The following USP10 variants were observed in gnomAD, a reference collection of about 807,000 sequenced individuals.
USP10 encodes the protein ubiquitin carboxyl-terminal hydrolase 10.
A neutral mutation model predicts 84.5 loss-of-function variants in USP10; 22 were observed. The observed-to-expected ratio is 0.26, with a 90% CI of 0.19 to 0.37. The LOEUF (loss-of-function observed/expected upper bound fraction) is 0.37, where lower values mean the gene tolerates loss of function less well. Among genes scored for constraint, USP10 ranks in the 10% least tolerant of loss-of-function variants. The probability of loss-of-function intolerance (pLI) is 1.00; values close to 1 mark genes in which losing one functional copy is unlikely to be tolerated. For synonymous variants in USP10, 454 were observed against 387.6 expected (o/e 1.17, Z -2.01); for missense variants, 1,019 against 998.9 (o/e 1.02, Z -0.27).
intron 1 of USP10, among the ~76,000 whole-genome samples, chr16:84,714,827 T>G (rs1254076019): frequency 6.6e-6 from 1 of 151,846 alleles, no homozygotes; most frequent in Non-Finnish European, 1.5e-5. Flanking sequence ...AGTGGATATT[T>G]AAAACATGAA....
intron 1 of USP10, among the ~76,000 whole-genome samples, chr16:84,718,573 T>G (rs541460001): frequency 2.0e-5 from 3 of 151,976 alleles, no homozygotes; most frequent in Non-Finnish European, 4.4e-5. Context: ...CTGGCCAACA[T>G]GGTAAAACCC....
At chr16:84,723,917 C>G (rs1461615940) in intron 1 of USP10, among the ~76,000 whole-genome samples, 2 of 152,214 alleles carry the variant, frequency 1.3e-5, no homozygotes, top group Non-Finnish European at 2.9e-5. Flanking sequence ...AAAGATAGAA[C>G]TGCTTCTGTT....
intron 4 of USP10, among the ~76,000 whole-genome samples, chr16:84,753,551 TC>T (rs919453494): frequency 4.7e-4 from 71 of 152,292 alleles, no homozygotes; most frequent in African/African-American, 1.7e-3. Context: ...CCTTACCTGT[TC>T]CAGGTGCGGA....
chr16:84,745,009 G>T lies in USP10; in HGVS notation c.528G>T (p.Leu176=). 1.9e-6 allele frequency: 3 copies of T among 1,613,800 alleles called. No individual in the cohort carries two copies. The change falls in exon 4 of 14, where the codon CTG becomes CTT. Residue 176 remains leucine (L), a synonymous_variant. Coordinates refer to ENST00000219473, the MANE Select transcript of USP10 (RefSeq NM_005153.3). The part of the protein sequence containing the change: ...GGDDSISTEA[L]VNGHANSAVP... ...ATGATAGTATCTCCACAGAAGCCCT[G>T]GTCAATGGCCATGCCAATTCAGCAG...
At chr16:84,764,560 G>A (rs1567644512) in intron 10 of USP10, among the ~76,000 whole-genome samples, 1 of 152,202 alleles carries the variant, frequency 6.6e-6, no homozygotes, top group Non-Finnish European at 1.5e-5. Flanking sequence ...GCCATACGCG[G>A]TGGTTCATGC....
At chr16:84,729,444 G>A (rs1267439451) in intron 1 of USP10, among the ~76,000 whole-genome samples, 2 of 152,126 alleles carry the variant, frequency 1.3e-5, no homozygotes, top group African/African-American at 2.4e-5. Flanking sequence ...TGGTTATTGG[G>A]TTGTATCAGA....
Position 84,700,067 on chromosome 16 carries a change from G to T in USP10, c.-24G>T. 7.3e-7 allele frequency: 1 copy of T among 1,371,868 alleles called. No individual in the cohort carries two copies. The highest frequency in any genetic ancestry group is 1.4e-5 in the South Asian group (1 of 73,958). 85.0% of individuals were successfully genotyped at this position (1,371,868 alleles called of 1,614,324 possible). A position where few individuals can be genotyped will look rare whatever the true frequency, so the allele number is the denominator to read the frequency against. ...GCAGCGTGAGCAGCCGGAGGATCGC[G>T]GAGTCCCAATGAAACGGGCAGCCAT... is the stretch of plus-strand genomic sequence containing the variant. On this transcript the variant is annotated 5_prime_UTR_variant, in exon 1 of 14. Transcript: ENST00000219473.
chr16:84,758,204 G>C (rs1290616181), intron 4 of USP10, among the ~76,000 whole-genome samples: 1 of 152,202 alleles, frequency 6.6e-6, no homozygotes, highest in Non-Finnish European at 1.5e-5. Flanking sequence ...TCTGAAAGGA[G>C]TATTTTTACT....
chr16:84,732,073 A>T (rs1909307261), intron 1 of USP10, among the ~76,000 whole-genome samples: 2 of 152,154 alleles, frequency 1.3e-5, no homozygotes, highest in Admixed American at 1.3e-4. Flanking sequence ...TTTGTTCTTA[A>T]TGTATATTTA....
intron 13 of USP10, among the ~76,000 whole-genome samples, chr16:84,778,615 G>A (rs918117932): frequency 2.6e-5 from 4 of 152,146 alleles, no homozygotes; most frequent in African/African-American, 9.7e-5. Flanking sequence ...GTCTGTGTGA[G>A]GCGTGGGACA....
chr16:84,771,496 A>T (rs577035342), intron 11 of USP10, among the ~76,000 whole-genome samples: 32 of 152,150 alleles, frequency 2.1e-4, no homozygotes, highest in African/African-American at 7.7e-4. Context: ...ATCCTGTCTT[A>T]AAAAAACAAA....
At chr16:84,728,748 C>G (rs532608026) in intron 1 of USP10, among the ~76,000 whole-genome samples, 2 of 152,144 alleles carry the variant, frequency 1.3e-5, no homozygotes, top group East Asian at 3.9e-4. Flanking sequence ...CAAAAATTAC[C>G]TTTTTTCCTC....
intron 2 of USP10, among the ~76,000 whole-genome samples, chr16:84,738,357 C>G (rs1373889907): frequency 6.6e-6 from 1 of 152,166 alleles, no homozygotes; most frequent in Non-Finnish European, 1.5e-5. Flanking sequence ...AATAACACAG[C>G]TTTCTGTCAC....
chr16:84,723,718 A>T (rs1269360801), intron 1 of USP10, among the ~76,000 whole-genome samples: 1 of 152,256 alleles, frequency 6.6e-6, no homozygotes, highest in African/African-American at 2.4e-5. Context: ...ACTTTAAAGA[A>T]ATCAGCTTTA....
intron 4 of USP10, among the ~76,000 whole-genome samples, chr16:84,749,916 T>C (rs1487032539): frequency 1.3e-5 from 2 of 152,214 alleles, no homozygotes; most frequent in African/African-American, 4.8e-5. Flanking sequence ...TTTTCAAGTG[T>C]GAACTGTTAT....
At chr16:84,767,895 C>G (rs1385828555) in intron 10 of USP10, among the ~76,000 whole-genome samples, 2 of 151,836 alleles carry the variant, frequency 1.3e-5, no homozygotes, top group African/African-American at 2.4e-5. Context: ...GAACAAAGGT[C>G]TCTGGTTTTC....
At chr16:84,723,883 C>G (rs1335132409) in intron 1 of USP10, among the ~76,000 whole-genome samples, 1 of 152,206 alleles carries the variant, frequency 6.6e-6, no homozygotes, top group East Asian at 1.9e-4. Context: ...GCAGCCTCTT[C>G]TTTTGTTCGT....
chr16:84,772,209 G>A (rs556929417), intron 11 of USP10, among the ~76,000 whole-genome samples: 6 of 152,084 alleles, frequency 3.9e-5, no homozygotes, highest in African/African-American at 1.2e-4. Context: ...CCACCACCAC[G>A]CCTGGCTAAT....
rs899511461 is a variant in USP10 at position 84,759,356 on chromosome 16, T to A, written c.1285-7T>A. On this transcript the variant is annotated splice_polypyrimidine_tract_variant and splice_region_variant and intron_variant, in intron 5 of 13. Transcript: ENST00000219473. ...TTCCTTTACGCTTCCTTACTGCCAC[T>A]ACATAGACACTGCAGGCATTGGTTG... 5 of 1,613,528 alleles carry A rather than the reference T, an allele frequency of 3.1e-6. No homozygotes were observed. The African/African-American group carries it at 6.7e-5, about 22-fold the overall frequency.
Sources: allele counts gnomAD v4.1 joint callset (sites outside exome capture counted in the v4.1 genomes callset), GRCh38; gene constraint gnomAD v4.1.1; transcripts MANE v1.5; gene names NCBI Gene and HGNC (gene_info 2026-07-23, HGNC 2026-07-21).